Variants in CUBN observed in about 807,000 individuals in gnomAD.
CUBN encodes 460 kDa receptor.
Under a neutral mutation model 405.3 loss-of-function variants are expected in CUBN, and 282 were observed. The ratio of observed to expected loss-of-function variants is 0.70; its 90% confidence interval spans 0.63 to 0.77. The LOEUF (loss-of-function observed/expected upper bound fraction) is 0.77. CUBN is among the 30% of genes least tolerant of loss of function. CUBN has a pLI of 0.00. For missense variants in CUBN, 4,514 were observed against 4,475.2 expected, an observed-to-expected ratio of 1.01 and a Z score of -0.25; for synonymous variants, 1,684 against 1,617.0, an observed-to-expected ratio of 1.04 and a Z score of -0.99.
Position 16,915,023 on chromosome 10 carries a change from T to A in CUBN, c.7351+9A>T. The A allele has an allele frequency of 1.2e-6, 2 of 1,613,068 alleles. No individual in the cohort carries two copies. Among genetic ancestry groups the A allele is most frequent in the Non-Finnish European group, 1.7e-6 (2 of 1,179,422 alleles). On this transcript the variant is annotated intron_variant, in intron 47 of 66. Transcript: ENST00000377833. ...CTCAATGTTGTGTTGAATGAATCAA[T>A]GAACTCACCTTCCATACTGGATTCA...
At chr10:16,837,601 C>G (rs1564377913) in intron 62 of CUBN, among the ~76,000 whole-genome samples, 1 of 152,136 alleles carries the variant, frequency 6.6e-6, no homozygotes, top group Non-Finnish European at 1.5e-5. Context: ...AACCTTAGGG[C>G]CTTCTATCTC....
At chr10:16,852,141 C>A (rs1839725974) in intron 59 of CUBN, among the ~76,000 whole-genome samples, 1 of 116,930 alleles carries the variant, frequency 8.6e-6, no homozygotes, top group African/African-American at 3.3e-5. Context: ...CCATCTTTCC[C>A]TCCCTCACTC....
chr10:16,954,355 C>A (rs780689413), intron 32 of CUBN, 34 bp downstream of exon 32: 1 of 1,613,584 alleles, frequency 6.2e-7, no homozygotes, highest in Non-Finnish European at 8.5e-7. Flanking sequence ...CTGAAGATTT[C>A]TCTTGTGCCT....
At chr10:16,903,039 C>T (rs769092758) in intron 51 of CUBN, among the ~76,000 whole-genome samples, 1 of 152,136 alleles carries the variant, frequency 6.6e-6, no homozygotes, top group Non-Finnish European at 1.5e-5. Context: ...ATATGCAAAT[C>T]CAACACAAAA....
intron 22 of CUBN, among the ~76,000 whole-genome samples, chr10:17,057,304 G>T (rs140039676): frequency 5.1e-4 from 77 of 152,238 alleles, no homozygotes; most frequent in African/African-American, 1.8e-3. Flanking sequence ...CAAATTAAGG[G>T]GTGAGTTATT....
At chr10:16,936,875 C>T (rs532047733) in intron 39 of CUBN, among the ~76,000 whole-genome samples, 2 of 152,210 alleles carry the variant, frequency 1.3e-5, no homozygotes, top group South Asian at 4.1e-4. Context: ...CTCCACCACG[C>T]CCAGCTAATT....
intron 22 of CUBN, among the ~76,000 whole-genome samples, chr10:17,058,614 C>T (rs111631479): frequency 0.011 from 1,670 of 152,192 alleles, 35 homozygotes; most frequent in Non-Finnish European, 0.017. Flanking sequence ...AGAAAAATTA[C>T]TATTCTCTGA....
At chr10:16,890,957 T>C (rs1840987872) in intron 54 of CUBN, among the ~76,000 whole-genome samples, 1 of 152,148 alleles carries the variant, frequency 6.6e-6, no homozygotes, top group South Asian at 2.1e-4. Context: ...AGGCACATCG[T>C]GGTGCATGAA....
In CUBN at chr10:17,103,310, T is replaced by C. The variant is rs1836541778; in HGVS notation, c.1418-73A>G. The stretch of plus-strand genomic sequence containing the variant: ...AGAGGTTGGGCAACTGTAACCCTGC[T>C]GCTGATAAACTTAGAGAAAATTTGA... On this transcript the variant is annotated intron_variant, in intron 12 of 66. Transcript: ENST00000377833. The C allele has an allele frequency of 9.9e-6, 9 of 910,506 alleles. No homozygotes were observed. The South Asian group carries it at 1.2e-4, about 12-fold the overall frequency. 56.4% of individuals were successfully genotyped at this position (910,506 alleles called of 1,614,324 possible). A position where few individuals can be genotyped will look rare whatever the true frequency, so the allele number is the denominator to read the frequency against.
chr10:16,950,087 G>A lies in CUBN; in HGVS notation c.4994C>T (p.Thr1665Ile), dbSNP rs1287703802. ...PPLNHITLSF[T>I]HFELERSTTC... ...TGTGCTTCTTTCAAGTTCAAAGTGG[G>A]TAAAAGAGAGGGTGATATGATTTAC... The change falls in exon 34 of 67, where the codon ACC becomes ATC. Residue 1665 changes from threonine (T) to isoleucine (I), a missense_variant. Physicochemically the swap from Thr to Ile is moderately conservative, Grantham distance 89. This residue lies in a region of CUBN where 1,613 missense variants were observed against 1,542.8 expected (regional missense o/e 1.05). Transcript: ENST00000377833. The A allele has an allele frequency of 6.2e-7, 1 of 1,613,190 alleles. No homozygotes were observed. The highest frequency in any genetic ancestry group is 8.5e-7 in the Non-Finnish European group (1 of 1,179,622).
At chr10:17,084,127 A>T in intron 17 of CUBN, 144 bp downstream of exon 17, 2 of 770,418 alleles carry the variant, frequency 2.6e-6, no homozygotes, top group Non-Finnish European at 4.5e-6. Flanking sequence ...CTTAGTCATT[A>T]GAGCTTAGTT....
At chr10:17,095,250 A>G (rs1836346494) in intron 14 of CUBN, among the ~76,000 whole-genome samples, 1 of 152,052 alleles carries the variant, frequency 6.6e-6, no homozygotes, top group South Asian at 2.1e-4. Flanking sequence ...TACAAAGTCA[A>G]CTCAAAATTA....
chr10:16,912,433 A>G (rs527656563), intron 48 of CUBN, among the ~76,000 whole-genome samples: 15 of 152,340 alleles, frequency 9.8e-5, no homozygotes, highest in Non-Finnish European at 1.5e-5. Flanking sequence ...AGGAGCTCAC[A>G]TTCTAGTGGG....
In CUBN at chr10:17,041,171, A is replaced by T; in HGVS notation, c.3879T>A (p.Ser1293Arg). The T allele has an allele frequency of 1.2e-6, 2 of 1,613,638 alleles. No individual in the cohort carries two copies. Among genetic ancestry groups the T allele is most frequent in the Non-Finnish European group, 1.7e-6 (2 of 1,179,714 alleles). ...CAGAATAAGGATTCGGATACCCTATACTCTCTAAGATGCCATAGGTTTGAT... is the reference window on the plus strand; with the variant it reads ...CAGAATAAGGATTCGGATACCCTATTCTCTCTAAGATGCCATAGGTTTGAT... Reference protein sequence around the residue: ...IVNQTYGILESIGYPNPYSEN... With the variant: ...IVNQTYGILERIGYPNPYSEN... Residue 1293 changes from serine to arginine, a missense_variant, in exon 27 of 67, where the codon AGT (serine) becomes AGA (arginine). Coordinates refer to ENST00000377833, the MANE Select transcript of CUBN (RefSeq NM_001081.4).
chr10:17,098,503 T>C (rs1279540026), intron 14 of CUBN, among the ~76,000 whole-genome samples: 7 of 152,216 alleles, frequency 4.6e-5, no homozygotes, highest in Admixed American at 1.3e-4. Flanking sequence ...CATTTCCCCA[T>C]GCTGCTGGGG....
intron 22 of CUBN, among the ~76,000 whole-genome samples, chr10:17,055,748 C>T (rs1588614969): frequency 6.6e-6 from 1 of 152,108 alleles, no homozygotes; most frequent in South Asian, 2.1e-4. Context: ...ACACTGAAAA[C>T]TTTATTGCTG....
chr10:17,072,521 A>G lies in CUBN; in HGVS notation c.2302-550T>C, dbSNP rs117051589. On this transcript the variant is annotated intron_variant, in intron 17 of 66. Transcript: ENST00000377833. ...GGCCAAGGTGAGAGGAATTGGAGAC[A>G]GCCTAGGCAACACAGTGAGACCCAG... 2.3e-3 allele frequency among the ~76,000 whole-genome samples: 355 copies of G among 152,286 alleles called. 7 individuals carry two copies. The East Asian group carries it at 0.037, about 16-fold the overall frequency.
chr10:16,847,809 G>T (rs1839563726), intron 60 of CUBN, among the ~76,000 whole-genome samples: 1 of 152,124 alleles, frequency 6.6e-6, no homozygotes, highest in Admixed American at 6.5e-5. Flanking sequence ...AATGAATAAT[G>T]GAATTGGTAT....
chr10:16,949,837 C>T (rs563969805), intron 34 of CUBN, among the ~76,000 whole-genome samples, 164 bp downstream of exon 34: 2 of 152,314 alleles, frequency 1.3e-5, no homozygotes, highest in South Asian at 2.1e-4. Context: ...CTGAACCCCA[C>T]ATTCAAGCCT....
Sources: allele counts gnomAD v4.1 joint callset (sites outside exome capture counted in the v4.1 genomes callset), GRCh38; gene constraint gnomAD v4.1.1; regional missense constraint gnomAD v4.1.1; transcripts MANE v1.5; gene names NCBI Gene and HGNC (gene_info 2026-07-23, HGNC 2026-07-21).